Variants in NEGR1 observed in about 807,000 individuals in gnomAD.
NEGR1 encodes neuronal growth regulator 1.
A neutral mutation model predicts 40.9 loss-of-function variants in NEGR1; 10 were observed. That is an observed-to-expected ratio of 0.24 (90% CI 0.15 to 0.42). NEGR1 has a LOEUF of 0.42. NEGR1 is among the 10% of genes least tolerant of loss of function. The pLI, the probability that NEGR1 is intolerant of heterozygous loss-of-function variation, is 1.00. For missense variants in NEGR1, 352 were observed against 438.9 expected, an observed-to-expected ratio of 0.80 and a Z score of 1.77; for synonymous variants, 185 against 166.8, an observed-to-expected ratio of 1.11 and a Z score of -0.84.
At chr1:72,028,883 C>T (rs1296342843) in intron 1 of NEGR1, among the ~76,000 whole-genome samples, 1 of 152,150 alleles carries the variant, frequency 6.6e-6, no homozygotes, top group African/African-American at 2.4e-5. Flanking sequence ...AGAACCATGT[C>T]TTATATCCCT....
At chr1:71,908,775 T>G (rs984323654) in intron 2 of NEGR1, among the ~76,000 whole-genome samples, 1 of 152,160 alleles carries the variant, frequency 6.6e-6, no homozygotes, top group African/African-American at 2.4e-5. Flanking sequence ...AGTGTTACAG[T>G]TTTTTTAGTA....
At chr1:72,088,926 C>T (rs1648344288) in intron 1 of NEGR1, among the ~76,000 whole-genome samples, 1 of 150,240 alleles carries the variant, frequency 6.7e-6, no homozygotes, top group African/African-American at 2.4e-5. Flanking sequence ...TGTCCCTTCT[C>T]AGTGTCCCAA....
chr1:71,997,881 A>G (rs1646518639), intron 1 of NEGR1, among the ~76,000 whole-genome samples: 1 of 151,980 alleles, frequency 6.6e-6, no homozygotes, highest in East Asian at 1.9e-4. Flanking sequence ...CCAGTCATAA[A>G]TTTCCAAAAT....
At chr1:71,440,021 T>C (rs1286072117) in intron 6 of NEGR1, among the ~76,000 whole-genome samples, 1 of 152,204 alleles carries the variant, frequency 6.6e-6, no homozygotes, top group Non-Finnish European at 1.5e-5. Flanking sequence ...TTTTATTATT[T>C]CATTACCCAT....
intron 2 of NEGR1, among the ~76,000 whole-genome samples, chr1:71,929,027 A>T (rs1645829153): frequency 6.6e-6 from 1 of 152,120 alleles, no homozygotes. Context: ...TTTATCTTAA[A>T]TATTTGAGAT....
intron 1 of NEGR1, chr1:72,275,228 T>C (rs1656001587): frequency 1.7e-6 from 1 of 588,996 alleles, no homozygotes; most frequent in Non-Finnish European, 3.0e-6. Flanking sequence ...AAATTTCTAT[T>C]ATTTATTCAT....
intron 3 of NEGR1, among the ~76,000 whole-genome samples, chr1:71,768,251 A>G (rs940332634): frequency 3.3e-5 from 5 of 152,206 alleles, no homozygotes; most frequent in Non-Finnish European, 5.9e-5. Context: ...ACATTAGCCC[A>G]TGAGAGCAGC....
intron 4 of NEGR1, among the ~76,000 whole-genome samples, chr1:71,642,876 C>T (rs531157154): frequency 2.0e-3 from 297 of 151,940 alleles, no homozygotes; most frequent in Non-Finnish European, 2.8e-3. Context: ...AGAGCTGTAG[C>T]AGCAAGAGTC....
At chr1:71,523,648 C>T (rs7354941) in intron 6 of NEGR1, among the ~76,000 whole-genome samples, 1 of 151,750 alleles carries the variant, frequency 6.6e-6, no homozygotes, top group Non-Finnish European at 1.5e-5. Context: ...CTGGATTTAG[C>T]GATTTATATG....
At chr1:71,988,697 T>C (rs1315426615) in intron 1 of NEGR1, among the ~76,000 whole-genome samples, 2 of 151,580 alleles carry the variant, frequency 1.3e-5, no homozygotes, top group Non-Finnish European at 2.9e-5. Flanking sequence ...CTCAGTTAAA[T>C]ACATGTGTAG....
chr1:71,917,886 C>T (rs1172390359), intron 2 of NEGR1, among the ~76,000 whole-genome samples: 1 of 151,300 alleles, frequency 6.6e-6, no homozygotes, highest in African/African-American at 2.4e-5. Flanking sequence ...CCTTTAAGAA[C>T]GACCTCACTG....
intron 2 of NEGR1, among the ~76,000 whole-genome samples, chr1:71,801,425 A>T (rs569418932): frequency 6.6e-6 from 1 of 152,276 alleles, no homozygotes; most frequent in East Asian, 1.9e-4. Context: ...TCAAGATTAG[A>T]TGTACAATTC....
chr1:71,593,066 C>A (rs1437342201), intron 5 of NEGR1, 98 bp from the exon 6 acceptor site: 1 of 726,426 alleles, frequency 1.4e-6, no homozygotes, highest in African/African-American at 1.7e-5. Flanking sequence ...ATAGACAATT[C>A]AACTACGCTG....
At chr1:72,151,531 A>T (rs1364531270) in intron 1 of NEGR1, among the ~76,000 whole-genome samples, 1 of 151,666 alleles carries the variant, frequency 6.6e-6, no homozygotes, top group Non-Finnish European at 1.5e-5. Context: ...TCAATAATAA[A>T]ATATTAAAAA....
chr1:71,982,367 T>G (rs1253546793), intron 1 of NEGR1, among the ~76,000 whole-genome samples: 2 of 144,596 alleles, frequency 1.4e-5, no homozygotes, highest in Non-Finnish European at 3.0e-5. Flanking sequence ...TTAGCTCTCT[T>G]TGGTCTAACT....
chr1:71,441,657 T>C (rs532083215), intron 6 of NEGR1, among the ~76,000 whole-genome samples: 2 of 152,274 alleles, frequency 1.3e-5, no homozygotes, highest in African/African-American at 4.8e-5. Context: ...TCTGAGTAAA[T>C]GTTATCACGT....
intron 2 of NEGR1, among the ~76,000 whole-genome samples, chr1:71,909,968 T>A (rs1016863120): frequency 3.8e-4 from 58 of 152,206 alleles, no homozygotes; most frequent in African/African-American, 1.2e-3. Context: ...CAATCCAGTC[T>A]ATCATACGAT....
intron 6 of NEGR1, among the ~76,000 whole-genome samples, chr1:71,442,486 C>G (rs138733733): frequency 2.6e-5 from 4 of 151,954 alleles, no homozygotes. Flanking sequence ...TGGCGGCATG[C>G]GCCTGTAATC....
intron 6 of NEGR1, among the ~76,000 whole-genome samples, chr1:71,413,737 G>T (rs563150268): frequency 6.6e-6 from 1 of 152,172 alleles, no homozygotes; most frequent in Non-Finnish European, 1.5e-5. Flanking sequence ...GCTGAGTGGA[G>T]TGTAAGCCTT....
Sources: gnomAD v4.1 joint callset for allele counts (sites outside exome capture counted in the v4.1 genomes callset) on GRCh38, gnomAD v4.1.1 for gene constraint, MANE v1.5 for transcripts, NCBI Gene and HGNC (gene_info 2026-07-23, HGNC 2026-07-21) for gene names.